NRXN3: variants seen among roughly 807,000 people sequenced by gnomAD.
NRXN3 encodes neurexin III.
A neutral mutation model predicts 137.6 loss-of-function variants in NRXN3; 32 were observed. The ratio of observed to expected loss-of-function variants is 0.23; its 90% CI spans 0.18 to 0.31. The LOEUF (loss-of-function observed/expected upper bound fraction) is 0.31. Among genes scored for constraint, NRXN3 ranks in the 10% least tolerant of loss-of-function variants. The pLI is 1.00. For synonymous variants in NRXN3, 798 were observed against 784.5 expected (o/e 1.02, Z -0.29); for missense variants, 1,574 against 2,062.5 (o/e 0.76, Z 4.59).
At chr14:78,424,074 A>G (rs935322948) in intron 4 of NRXN3, among the ~76,000 whole-genome samples, 1 of 152,154 alleles carries the variant, frequency 6.6e-6, no homozygotes, top group Non-Finnish European at 1.5e-5. Context: ...GGATCAGAGT[A>G]TGGGGCCTAC....
At chr14:78,536,029 C>CA (rs2096532336) in intron 4 of NRXN3, among the ~76,000 whole-genome samples, 1 of 151,856 alleles carries the variant, frequency 6.6e-6, no homozygotes, top group Admixed American at 6.6e-5. Context: ...ATTCTTAAAG[C>CA]AAAAAATGGG....
chr14:79,455,504 A>G (rs1051498352), intron 15 of NRXN3, among the ~76,000 whole-genome samples: 5 of 152,194 alleles, frequency 3.3e-5, no homozygotes, highest in African/African-American at 1.2e-4. Flanking sequence ...AAAATCACCT[A>G]GATCTGTATT....
intron 15 of NRXN3, among the ~76,000 whole-genome samples, chr14:79,409,258 G>A (rs1277889364): frequency 6.6e-6 from 1 of 151,360 alleles, no homozygotes; most frequent in African/African-American, 2.4e-5. Context: ...TACATATGCA[G>A]GTATATTTTT....
chr14:79,080,891 AGTT>A (rs2046860550), intron 15 of NRXN3, among the ~76,000 whole-genome samples: 1 of 152,180 alleles, frequency 6.6e-6, no homozygotes, highest in South Asian at 2.1e-4. Context: ...AAACACAGTC[AGTT>A]GTCTTTTGGC....
At chr14:78,474,472 CTG>C (rs1385598988) in intron 4 of NRXN3, among the ~76,000 whole-genome samples, 1 of 152,140 alleles carries the variant, frequency 6.6e-6, no homozygotes, top group Middle Eastern at 3.2e-3. Context: ...GATTCTAAGT[CTG>C]TGCATTTGGA....
chr14:78,869,132 G>T (rs1481231011), intron 10 of NRXN3, among the ~76,000 whole-genome samples: 1 of 151,994 alleles, frequency 6.6e-6, no homozygotes, highest in African/African-American at 2.4e-5. Context: ...ATAGGGAAAG[G>T]GACATTTGAA....
intron 15 of NRXN3, among the ~76,000 whole-genome samples, chr14:79,137,608 T>A (rs558264937): frequency 6.6e-6 from 1 of 152,266 alleles, no homozygotes; most frequent in African/African-American, 2.4e-5. Context: ...TACATTACAG[T>A]TTTATAGTAG....
At chr14:78,988,736 A>G (rs898224640) in intron 15 of NRXN3, among the ~76,000 whole-genome samples, 2 of 151,638 alleles carry the variant, frequency 1.3e-5, no homozygotes, top group Admixed American at 1.3e-4. Context: ...TGGTTTATAT[A>G]CACATAGCTA....
At chr14:78,347,993 A>G (rs1438077870) in intron 4 of NRXN3, among the ~76,000 whole-genome samples, 2 of 152,188 alleles carry the variant, frequency 1.3e-5, no homozygotes, top group African/African-American at 4.8e-5. Context: ...CATTTAGCTC[A>G]TAAGTATATG....
chr14:78,878,805 A>C (rs1312262874), intron 10 of NRXN3, among the ~76,000 whole-genome samples: 1 of 152,082 alleles, frequency 6.6e-6, no homozygotes, highest in Non-Finnish European at 1.5e-5. Context: ...TTATTGTTCC[A>C]TCTAACTGGA....
At chr14:78,507,512 C>T (rs1423544930) in intron 4 of NRXN3, among the ~76,000 whole-genome samples, 1 of 152,166 alleles carries the variant, frequency 6.6e-6, no homozygotes, top group Non-Finnish European at 1.5e-5. Context: ...ACTGGCTCTC[C>T]TTTGATTAGC....
At chr14:78,533,522 T>A (rs890320550) in intron 4 of NRXN3, among the ~76,000 whole-genome samples, 5 of 152,186 alleles carry the variant, frequency 3.3e-5, no homozygotes, top group Admixed American at 3.3e-4. Context: ...TCTCCTGCCA[T>A]TTTTCCTGCT....
At chr14:78,893,419 G>C (rs1027528642) in intron 10 of NRXN3, among the ~76,000 whole-genome samples, 5 of 151,908 alleles carry the variant, frequency 3.3e-5, no homozygotes, top group Admixed American at 6.6e-5. Flanking sequence ...TGGTGGGAGA[G>C]TCCATGCCGA....
chr14:79,436,548 T>C (rs2153561573), intron 15 of NRXN3, among the ~76,000 whole-genome samples: 1 of 152,318 alleles, frequency 6.6e-6, no homozygotes, highest in East Asian at 1.9e-4. Flanking sequence ...CATCTCTTCC[T>C]CTTCTCCTCC....
At position 79,396,702 on chromosome 14, in the gene NRXN3, C is replaced by T. The variant is rs138426726; in HGVS notation, c.3263-70519C>T. Among the ~76,000 whole-genome samples the T allele has an allele frequency of 1.8e-3, 276 of 152,130 alleles. 2 individuals carry two copies. Among genetic ancestry groups the T allele is most frequent in the African/African-American group, 6.3e-3 (262 of 41,496 alleles). On this transcript the variant is annotated intron_variant, in intron 15 of 20. Transcript: ENST00000335750. The stretch of plus-strand genomic sequence containing the variant: ...TTGCTTATGTTAAAATAGTTGAGTC[C>T]GCGCTGTATCTTTTTACTTGATTAA...
chr14:79,842,743 T>C (rs1298097536), intron 20 of NRXN3, among the ~76,000 whole-genome samples: 1 of 152,198 alleles, frequency 6.6e-6, no homozygotes, highest in African/African-American at 2.4e-5. Flanking sequence ...ATTTTCCCCT[T>C]ATGTCAAGAG....
chr14:79,444,543 G>A (rs528939888), intron 15 of NRXN3, among the ~76,000 whole-genome samples: 138 of 152,308 alleles, frequency 9.1e-4, no homozygotes, highest in African/African-American at 3.2e-3. Context: ...TGAATCAAAG[G>A]GCTGGGCATG....
intron 16 of NRXN3, among the ~76,000 whole-genome samples, chr14:79,591,931 A>AACTT (rs34213463): frequency 0.29 from 44,027 of 151,850 alleles, 7,173 homozygotes; most frequent in African/African-American, 0.44. Flanking sequence ...ATTGAGGTAT[A>AACTT]ACTTACATAC....
intron 10 of NRXN3, among the ~76,000 whole-genome samples, chr14:78,822,581 A>G (rs991716169): frequency 6.6e-6 from 1 of 152,038 alleles, no homozygotes; most frequent in Non-Finnish European, 1.5e-5. Context: ...AGGCTGAGGC[A>G]GGAGAATCAC....
Sources: allele counts gnomAD v4.1 joint callset (sites outside exome capture counted in the v4.1 genomes callset), GRCh38; gene constraint gnomAD v4.1.1; transcripts MANE v1.5; gene names NCBI Gene and HGNC (gene_info 2026-07-23, HGNC 2026-07-21).